The following FSTL5 variants were observed in gnomAD, a reference collection of about 807,000 sequenced individuals.
FSTL5 encodes follistatin-related protein 5.
FSTL5 carries 62 observed loss-of-function variants against 89.1 expected under a neutral mutation model. That is an observed-to-expected ratio of 0.70 (90% CI 0.57 to 0.86). FSTL5 has a LOEUF of 0.86. Ranked by LOEUF, FSTL5 falls within the 40% of genes least tolerant of loss-of-function variation. The probability of loss-of-function intolerance (pLI) is 0.00; values close to 1 mark genes in which losing one functional copy is unlikely to be tolerated. For missense variants in FSTL5, 1,057 were observed against 1,001.6 expected, an observed-to-expected ratio of 1.06 and a Z score of -0.75; for synonymous variants, 383 against 346.2, an observed-to-expected ratio of 1.11 and a Z score of -1.18.
intron 15 of FSTL5, among the ~76,000 whole-genome samples, chr4:161,449,573 G>T (rs535492162): frequency 6.6e-6 from 1 of 152,196 alleles, no homozygotes; most frequent in South Asian, 2.1e-4. Flanking sequence ...TCATCTCCTT[G>T]AATTTACTCT....
At chr4:161,459,972 T>G (rs999537505) in intron 13 of FSTL5, among the ~76,000 whole-genome samples, 1 of 151,214 alleles carries the variant, frequency 6.6e-6, no homozygotes, top group Non-Finnish European at 1.5e-5. Context: ...TTTATAATAT[T>G]TAGCATTTAC....
intron 6 of FSTL5, among the ~76,000 whole-genome samples, chr4:161,694,601 C>A (rs1045768465): frequency 6.6e-6 from 1 of 151,936 alleles, no homozygotes; most frequent in African/African-American, 2.4e-5. Context: ...ATGTTAAAGT[C>A]TTCATCTAAT....
intron 4 of FSTL5, among the ~76,000 whole-genome samples, chr4:161,799,394 G>C (rs778936629): frequency 7.3e-5 from 11 of 151,508 alleles, no homozygotes; most frequent in Non-Finnish European, 1.3e-4. Flanking sequence ...TATCAATTCA[G>C]TTTGAAGATA....
At chr4:161,730,156 C>T (rs759293234) in intron 6 of FSTL5, among the ~76,000 whole-genome samples, 1 of 152,072 alleles carries the variant, frequency 6.6e-6, no homozygotes. Flanking sequence ...GTGGCTTCAA[C>T]TCTTCTCTGT....
intron 2 of FSTL5, among the ~76,000 whole-genome samples, chr4:162,037,221 AAAG>A (rs1737775622): frequency 6.6e-6 from 1 of 152,048 alleles, no homozygotes; most frequent in South Asian, 2.1e-4. Flanking sequence ...ATTTAGATAG[AAAG>A]AAGACCAGTC....
chr4:161,598,274 C>T (rs1410409101), intron 7 of FSTL5, among the ~76,000 whole-genome samples: 1 of 151,988 alleles, frequency 6.6e-6, no homozygotes, highest in East Asian at 1.9e-4. Flanking sequence ...ACTTGGGAGG[C>T]TGAGACAGGA....
rs149114922 is a variant in FSTL5, at chr4:161,556,472, G to A, written c.1016-13779C>T. Among the ~76,000 whole-genome samples, 61 of 151,570 alleles carry A rather than the reference G, an allele frequency of 4.0e-4. 1 individual carries two copies. The East Asian group carries it at 0.012, about 29-fold the overall frequency. On this transcript the variant is annotated intron_variant, in intron 8 of 15. Transcript: ENST00000306100. Reference sequence around the variant, plus strand: ...TGCATCAGACAGGATTACTCAAGACGAAGATTTTGATTACAAGCTATAACT... The same window carrying A: ...TGCATCAGACAGGATTACTCAAGACAAAGATTTTGATTACAAGCTATAACT...
chr4:161,663,946 C>A (rs1736800473), intron 6 of FSTL5, among the ~76,000 whole-genome samples: 1 of 152,196 alleles, frequency 6.6e-6, no homozygotes, highest in Non-Finnish European at 1.5e-5. Flanking sequence ...ACTGCCAAGG[C>A]TTGTGGCTTC....
At chr4:161,680,583 A>G (rs1399974929) in intron 6 of FSTL5, among the ~76,000 whole-genome samples, 1 of 151,468 alleles carries the variant, frequency 6.6e-6, no homozygotes, top group East Asian at 1.9e-4. Context: ...TGGTATACAC[A>G]TTCATTTCCC....
At chr4:161,822,665 ACTTAT>A (rs1397328708) in intron 4 of FSTL5, among the ~76,000 whole-genome samples, 6 of 152,236 alleles carry the variant, frequency 3.9e-5, no homozygotes, top group Admixed American at 6.5e-5. Context: ...GCTCTTCTCT[ACTTAT>A]CTTCTCTCAT....
At chr4:161,614,412 A>C (rs1378665678) in intron 7 of FSTL5, among the ~76,000 whole-genome samples, 3 of 152,166 alleles carry the variant, frequency 2.0e-5, no homozygotes, top group African/African-American at 7.2e-5. Context: ...GCAGTCAGTA[A>C]ATCTTCTAAT....
intron 4 of FSTL5, among the ~76,000 whole-genome samples, chr4:161,880,559 C>A (rs1186317674): frequency 1.3e-5 from 2 of 152,064 alleles, no homozygotes; most frequent in Non-Finnish European, 2.9e-5. Flanking sequence ...TCACCTTGGA[C>A]AAATAAAAAT....
intron 4 of FSTL5, among the ~76,000 whole-genome samples, chr4:161,902,840 C>A (rs545774904): frequency 6.6e-6 from 1 of 152,288 alleles, no homozygotes; most frequent in South Asian, 2.1e-4. Flanking sequence ...CAGAGCAAGA[C>A]TCCATCTCAA....
At chr4:161,677,031 A>G (rs1465049161) in intron 6 of FSTL5, among the ~76,000 whole-genome samples, 1 of 151,996 alleles carries the variant, frequency 6.6e-6, no homozygotes, top group Non-Finnish European at 1.5e-5. Flanking sequence ...TATATGTACA[A>G]TTCCCCTTTC....
At chr4:162,159,147 A>G (rs972775144) in intron 1 of FSTL5, among the ~76,000 whole-genome samples, 4 of 152,080 alleles carry the variant, frequency 2.6e-5, no homozygotes, top group Non-Finnish European at 5.9e-5. Flanking sequence ...TAATAACTCA[A>G]GAGACAAAAA....
chr4:161,892,662 A>T (rs1733025952), intron 4 of FSTL5, among the ~76,000 whole-genome samples: 1 of 152,092 alleles, frequency 6.6e-6, no homozygotes, highest in East Asian at 1.9e-4. Flanking sequence ...TAATTTCCAC[A>T]TCACAGTTTA....
intron 3 of FSTL5, among the ~76,000 whole-genome samples, chr4:161,969,334 T>A (rs551291666): frequency 6.6e-6 from 1 of 152,264 alleles, no homozygotes; most frequent in South Asian, 2.1e-4. Context: ...ACATATTTTA[T>A]CTGGTTTATC....
At chr4:161,658,458 C>CA (rs35942081) in intron 6 of FSTL5, among the ~76,000 whole-genome samples, 3,977 of 127,238 alleles carry the variant, frequency 0.031, 154 homozygotes, top group African/African-American at 0.1. Flanking sequence ...GAATCCGTCT[C>CA]AAAAAAAAAA....
chr4:161,567,413 C>A (rs992923212), intron 8 of FSTL5, among the ~76,000 whole-genome samples: 1 of 152,120 alleles, frequency 6.6e-6, no homozygotes, highest in Non-Finnish European at 1.5e-5. Flanking sequence ...GCCTCATTAT[C>A]ACATTAACCT....
Sources: allele counts gnomAD v4.1 joint callset (sites outside exome capture counted in the v4.1 genomes callset), GRCh38; gene constraint gnomAD v4.1.1; transcripts MANE v1.5; gene names NCBI Gene and HGNC (gene_info 2026-07-23, HGNC 2026-07-21).